Variants in GLE1 observed in about 807,000 individuals in gnomAD.
GLE1 encodes the protein mRNA export factor GLE1.
A neutral mutation model predicts 97.3 loss-of-function variants in GLE1; 78 were observed. The observed-to-expected ratio is 0.80, with a 90% CI of 0.67 to 0.97. GLE1 has a LOEUF of 0.97. Among genes scored for constraint, GLE1 ranks in the 50% least tolerant of loss-of-function variants. The pLI is 0.00. For missense variants in GLE1, 753 were observed against 857.5 expected, an observed-to-expected ratio of 0.88 and a Z score of 1.52; for synonymous variants, 302 against 313.4, an observed-to-expected ratio of 0.96 and a Z score of 0.39.
intron 2 of GLE1, among the ~76,000 whole-genome samples, chr9:128,511,211 A>G (rs999449483): frequency 1.3e-5 from 2 of 150,470 alleles, no homozygotes; most frequent in African/African-American, 4.9e-5. Flanking sequence ...CTCAAAATAT[A>G]TGTATATATA....
At chr9:128,519,423 G>A (rs1564147645) in intron 3 of GLE1, among the ~76,000 whole-genome samples, 1 of 152,156 alleles carries the variant, frequency 6.6e-6, no homozygotes, top group Non-Finnish European at 1.5e-5. Flanking sequence ...CTGGGGGTAG[G>A]TCTATAGATG....
In GLE1 at chr9:128,536,629, A is replaced by C. The variant is rs1375855524; in HGVS notation, c.1776+145A>C. Reference sequence around the variant, plus strand: ...TGGCAGTTTCATGGGTATTATGTAGAGGACTGAATGTTGATTATTAGGGAA... The same window carrying C: ...TGGCAGTTTCATGGGTATTATGTAGCGGACTGAATGTTGATTATTAGGGAA... On this transcript the variant is annotated intron_variant, in intron 12 of 15. Coordinates refer to ENST00000309971, the MANE Select transcript of GLE1 (RefSeq NM_001003722.2). The C allele has an allele frequency of 8.2e-6, 6 of 728,218 alleles. No homozygotes were observed. In the East Asian group the frequency reaches 1.7e-4, roughly 20 times the overall value. 45.1% of individuals were successfully genotyped at this position (728,218 alleles called of 1,614,324 possible).
In GLE1 at chr9:128,541,420, T is replaced by C; in HGVS notation, c.*250T>C. On this transcript the variant is annotated 3_prime_UTR_variant, in exon 16 of 16. Transcript: ENST00000309971. ...AAATGGAGTTGGCCTTTCTTGTTTT[T>C]TGCAAAAGTGATAAAAGGTCTTTAG... The C allele has an allele frequency of 1.9e-6, 1 of 533,086 alleles. No homozygotes were observed. Among genetic ancestry groups the C allele is most frequent in the Non-Finnish European group, 3.4e-6 (1 of 296,044 alleles). The allele number at this position is 533,086 out of a possible 1,614,324, so 33.0% of individuals were successfully genotyped here. A position where few individuals can be genotyped will look rare whatever the true frequency, so the allele number is the denominator to read the frequency against.
intron 6 of GLE1, among the ~76,000 whole-genome samples, chr9:128,524,747 C>T (rs1252855472): frequency 6.6e-6 from 1 of 151,544 alleles, no homozygotes; most frequent in Non-Finnish European, 1.5e-5. Context: ...CAAAAATTAG[C>T]TGGGTGTGGT....
chr9:128,504,746 T>G lies in GLE1; in HGVS notation c.-60T>G. On this transcript the variant is annotated 5_prime_UTR_variant, in exon 1 of 16. Transcript: ENST00000309971. ...AAGCCTGTGTGGCCTTCCCGGCGGC[T>G]GATTCGAGGGCTTGTTTGGTCAGAA... 8.5e-7 allele frequency: 1 copy of G among 1,169,928 alleles called. No homozygotes were observed. Among genetic ancestry groups the G allele is most frequent in the South Asian group, 1.2e-5 (1 of 82,556 alleles). The allele number at this position is 1,169,928 out of a possible 1,614,324, so 72.5% of individuals were successfully genotyped here. A position where few individuals can be genotyped will look rare whatever the true frequency, so the allele number is the denominator to read the frequency against.
At chr9:128,536,327 C>T (rs1564158995) in intron 11 of GLE1, 28 bp from the exon 12 acceptor site, 1 of 1,608,010 alleles carries the variant, frequency 6.2e-7, no homozygotes, top group Non-Finnish European at 8.5e-7. Flanking sequence ...AGCCACCACA[C>T]CCGGCCAAAT....
At chr9:128,513,104 G>C (rs1350675899) in intron 2 of GLE1, among the ~76,000 whole-genome samples, 1 of 152,114 alleles carries the variant, frequency 6.6e-6, no homozygotes. Flanking sequence ...GGGACTGAGG[G>C]AAGTATTAAT....
At position 128,534,003 on chromosome 9, in the gene GLE1, T is replaced by C. The variant is rs770158258; in HGVS notation, c.1646+52T>C. The C allele has an allele frequency of 2.6e-6, 3 of 1,163,836 alleles. No homozygotes were observed. The Admixed American group carries it at 5.0e-5, about 20-fold the overall frequency. The allele number at this position is 1,163,836 out of a possible 1,614,324, so 72.1% of individuals were successfully genotyped here. ...TATCCCTAGAGTGATTAATGAAATA[T>C]AAATAGAATTGGAATTTGTTTTTCC... On this transcript the variant is annotated intron_variant, in intron 11 of 15. Coordinates refer to ENST00000309971, the MANE Select transcript of GLE1 (RefSeq NM_001003722.2).
At chr9:128,533,051 T>C (rs1479277395) in intron 9 of GLE1, among the ~76,000 whole-genome samples, 1 of 152,154 alleles carries the variant, frequency 6.6e-6, no homozygotes, top group Admixed American at 6.5e-5. Context: ...TCATTTTATG[T>C]GTACAGTAAG....
intron 14 of GLE1, 53 bp from the exon 15 acceptor site, chr9:128,540,222 A>G: frequency 8.1e-7 from 1 of 1,228,148 alleles, no homozygotes; most frequent in Admixed American, 1.7e-5. Flanking sequence ...CACCGTTTCC[A>G]AAAGATAGGT....
At chr9:128,514,545 C>T (rs1846922869) in intron 2 of GLE1, among the ~76,000 whole-genome samples, 1 of 151,282 alleles carries the variant, frequency 6.6e-6, no homozygotes, top group Non-Finnish European at 1.5e-5. Flanking sequence ...CAGGTTCACG[C>T]CATTCTCCCG....
At chr9:128,536,826 CCTTA>C (rs1013547044) in intron 12 of GLE1, 9 of 298,228 alleles carry the variant, frequency 3.0e-5, no homozygotes, top group Admixed American at 4.7e-5. Context: ...AGATCACATA[CCTTA>C]CTTCACAGAT....
chr9:128,532,513 A>C (rs947052862), intron 9 of GLE1, among the ~76,000 whole-genome samples: 1 of 143,238 alleles, frequency 7.0e-6, no homozygotes, highest in African/African-American at 2.5e-5. Flanking sequence ...CTGCTTAAGC[A>C]AAAAAAAAAA....
At chr9:128,528,205 T>C (rs190337376) in intron 9 of GLE1, among the ~76,000 whole-genome samples, 327 of 151,076 alleles carry the variant, frequency 2.2e-3, no homozygotes, top group African/African-American at 7.2e-3. Context: ...GGGGTTTCAC[T>C]GTGTTAGCCA....
intron 9 of GLE1, 21 bp downstream of exon 9, chr9:128,527,546 A>G (rs781720976): frequency 1.4e-6 from 2 of 1,422,240 alleles, no homozygotes; most frequent in East Asian, 4.5e-5. Context: ...GGGGTTGAGA[A>G]CATGACCTTT....
At chr9:128,507,256 C>G (rs1036689218) in intron 1 of GLE1, among the ~76,000 whole-genome samples, 1 of 151,776 alleles carries the variant, frequency 6.6e-6, no homozygotes, top group African/African-American at 2.4e-5. Flanking sequence ...CAACACTTTG[C>G]GAGGCTGAGG....
chr9:128,520,347 T>C (rs1266439974), intron 3 of GLE1, among the ~76,000 whole-genome samples: 1 of 148,262 alleles, frequency 6.7e-6, no homozygotes, highest in Non-Finnish European at 1.5e-5. Context: ...TGTATATGTG[T>C]ATATATGTAT....
intron 4 of GLE1, 76 bp from the exon 5 acceptor site, chr9:128,523,204 A>G (rs1007507541): frequency 7.6e-6 from 8 of 1,053,824 alleles, no homozygotes; most frequent in South Asian, 5.0e-5. Context: ...GGGCAGGGAG[A>G]GGGAGAGAAA....
intron 6 of GLE1, among the ~76,000 whole-genome samples, chr9:128,524,762 CA>C (rs1202871433): frequency 6.6e-6 from 1 of 151,660 alleles, no homozygotes. Flanking sequence ...TGTGGTGACG[CA>C]CACCTGTAAT....
Sources: gnomAD v4.1 joint callset for allele counts (sites outside exome capture counted in the v4.1 genomes callset) on GRCh38, gnomAD v4.1.1 for gene constraint, MANE v1.5 for transcripts, NCBI Gene and HGNC (gene_info 2026-07-23, HGNC 2026-07-21) for gene names.